Variants in SAMD5 observed in about 807,000 individuals in gnomAD.
The protein encoded by SAMD5 is sterile alpha motif domain containing 5, also known as sterile alpha motif domain-containing protein 5.
Under a neutral mutation model 11.3 loss-of-function variants are expected in SAMD5, and 13 were observed. The observed-to-expected ratio is 1.15, with a 90% CI of 0.75 to 1.83. SAMD5 has a LOEUF of 1.83. Among genes scored for constraint, SAMD5 ranks in the 40% most tolerant of loss-of-function variants. SAMD5 has a pLI of 0.00. For missense variants in SAMD5, 255 were observed against 239.1 expected (o/e 1.07, Z -0.44); for synonymous variants, 129 against 111.3 (o/e 1.16, Z -1.00).
At chr6:147,678,394 T>C (rs951780817) in intron 1 of SAMD5, among the ~76,000 whole-genome samples, 3 of 152,384 alleles carry the variant, frequency 2.0e-5, no homozygotes, top group Middle Eastern at 3.4e-3. Context: ...ACTTCCACTA[T>C]AAAACAGCTG....
chr6:147,551,822 A>T (rs59212020), intron 1 of SAMD5, among the ~76,000 whole-genome samples: 1 of 67,598 alleles, frequency 1.5e-5, no homozygotes, highest in African/African-American at 5.5e-5. Context: ...TTATATATAT[A>T]TATATATATA....
intron 1 of SAMD5, among the ~76,000 whole-genome samples, chr6:147,584,819 TC>T (rs1789351316): frequency 1.3e-5 from 2 of 152,290 alleles, no homozygotes; most frequent in Admixed American, 1.3e-4. Context: ...ATGTGTGTTA[TC>T]CATGGCAAAT....
the SAMD5 span, among the ~76,000 whole-genome samples, chr6:147,910,996 T>C: frequency 1.3e-5 from 2 of 152,184 alleles, no homozygotes. Flanking sequence ...TTCTCGAGAA[T>C]TGAATGTTCT....
At chr6:147,869,503 C>T in the SAMD5 span, among the ~76,000 whole-genome samples, 2 of 152,154 alleles carry the variant, frequency 1.3e-5, no homozygotes, top group African/African-American at 4.8e-5. Context: ...CCAACATGCT[C>T]AGTGAGTGGA....
the SAMD5 span, among the ~76,000 whole-genome samples, chr6:147,817,052 A>C: frequency 2.0e-5 from 3 of 152,166 alleles, no homozygotes; most frequent in Non-Finnish European, 2.9e-5. Context: ...GTTCATCACG[A>C]GTTTCCTTGG....
downstream of SAMD5, among the ~76,000 whole-genome samples, chr6:147,738,571 A>C (rs1791837769): frequency 6.6e-6 from 1 of 152,194 alleles, no homozygotes; most frequent in African/African-American, 2.4e-5. Context: ...TATTCTACAT[A>C]TTTTATATAA....
chr6:147,912,645 A>T, the SAMD5 span, among the ~76,000 whole-genome samples: 1 of 152,190 alleles, frequency 6.6e-6, no homozygotes, highest in Non-Finnish European at 1.5e-5. Flanking sequence ...AGTATTTGTA[A>T]CTTTGCAATA....
intron 1 of SAMD5, among the ~76,000 whole-genome samples, chr6:147,520,399 C>T (rs374590177): frequency 7.9e-5 from 12 of 152,204 alleles, no homozygotes; most frequent in South Asian, 2.1e-4. Context: ...GGATTACAGC[C>T]GCCATGCCCG....
In SAMD5 at chr6:147,650,048, G is replaced by T. The variant is rs1225064176; in HGVS notation, c.163-87269G>T. On this transcript the variant is annotated intron_variant, in intron 1 of 1. Coordinates refer to the SAMD5 transcript ENST00000566741. Reference sequence around the variant, plus strand: ...GAAAGGTGCTATTAACAATCAGACTGGCACAACAGATGTGTACCTGAACTG... The same window carrying T: ...GAAAGGTGCTATTAACAATCAGACTTGCACAACAGATGTGTACCTGAACTG... Among the ~76,000 whole-genome samples the T allele has an allele frequency of 5.3e-5, 8 of 152,156 alleles. No individual in the cohort carries two copies. In the East Asian group the frequency reaches 1.5e-3, roughly 29 times the overall value.
At chr6:147,830,704 G>T in the SAMD5 span, among the ~76,000 whole-genome samples, 8 of 151,998 alleles carry the variant, frequency 5.3e-5, no homozygotes, top group Non-Finnish European at 8.8e-5. Flanking sequence ...AGAAAGAAAG[G>T]AAAAAAATTA....
At chr6:147,820,126 G>C in the SAMD5 span, among the ~76,000 whole-genome samples, 3 of 152,110 alleles carry the variant, frequency 2.0e-5, no homozygotes, top group African/African-American at 7.2e-5. Context: ...ACTTTCAGTT[G>C]GAGAAACTAG....
chr6:147,854,950 G>A, the SAMD5 span, among the ~76,000 whole-genome samples: 1 of 152,130 alleles, frequency 6.6e-6, no homozygotes, highest in Non-Finnish European at 1.5e-5. Flanking sequence ...TAGCCTAACT[G>A]AAATAACAGT....
the SAMD5 span, among the ~76,000 whole-genome samples, chr6:147,806,306 G>A: frequency 0.081 from 2,583 of 31,928 alleles, 33 homozygotes; most frequent in Middle Eastern, 0.24. Context: ...GTGCGCATGC[G>A]CGCGCGCGCG....
rs1172694444 is a variant in SAMD5 at position 147,640,497 on chromosome 6, C to CAA, written c.163-96796_163-96795dup. On this transcript the variant is annotated intron_variant, in intron 1 of 1. Transcript: ENST00000566741. ...GGGTGACAAGAGCAAGACTCTGTCG[C>CAA]AAAAAAAAAAAAAAAAAAAAAAAAA... is the stretch of plus-strand genomic sequence containing the variant. 7.9e-3 allele frequency among the ~76,000 whole-genome samples: 190 copies of CAA among 24,156 alleles called. 21 individuals carry two copies. The highest frequency in any genetic ancestry group is 0.022 in the South Asian group (5 of 224). The allele number at this position is 24,156 out of a possible 152,430, so 15.8% of individuals were successfully genotyped here. A position where few individuals can be genotyped will look rare whatever the true frequency, so the allele number is the denominator to read the frequency against.
the SAMD5 span, among the ~76,000 whole-genome samples, chr6:147,774,359 G>A: frequency 6.6e-6 from 1 of 152,110 alleles, no homozygotes; most frequent in African/African-American, 2.4e-5. Flanking sequence ...CTTAATTAAA[G>A]TACAATTGTC....
chr6:147,819,431 G>A, the SAMD5 span, among the ~76,000 whole-genome samples: 3 of 152,182 alleles, frequency 2.0e-5, no homozygotes, highest in Admixed American at 6.5e-5. Context: ...ACATACACCC[G>A]TGAACCTAAA....
chr6:147,574,834 C>G (rs775937421), downstream of SAMD5, among the ~76,000 whole-genome samples: 1 of 152,172 alleles, frequency 6.6e-6, no homozygotes, highest in East Asian at 1.9e-4. Flanking sequence ...TTTTAAAGGC[C>G]TCACCTCTTA....
the SAMD5 span, among the ~76,000 whole-genome samples, chr6:147,935,369 G>A: frequency 6.6e-6 from 1 of 152,140 alleles, no homozygotes; most frequent in African/African-American, 2.4e-5. Context: ...CAAATTATGG[G>A]CCAGTCCTCA....
At chr6:147,763,481 T>TA in the SAMD5 span, among the ~76,000 whole-genome samples, 1 of 151,314 alleles carries the variant, frequency 6.6e-6, no homozygotes. Context: ...TTTTTTTTTT[T>TA]ATTAACCAGA....
Sources: allele counts gnomAD v4.1 joint callset (sites outside exome capture counted in the v4.1 genomes callset), GRCh38; gene constraint gnomAD v4.1.1; transcripts MANE v1.5; gene names NCBI Gene and HGNC (gene_info 2026-07-23, HGNC 2026-07-21).